Variants in PAWR observed in about 807,000 individuals in gnomAD.
PAWR encodes the protein PRKC apoptosis WT1 regulator protein.
In PAWR, 23 loss-of-function variants were observed where a neutral mutation model predicts 32.0. The observed-to-expected ratio is 0.72, with a 90% CI of 0.52 to 1.02. The LOEUF (loss-of-function observed/expected upper bound fraction) is 1.02. Ranked by LOEUF, PAWR falls within the 50% of genes least tolerant of loss-of-function variation. The probability of loss-of-function intolerance (pLI) is 0.00; values close to 1 mark genes in which losing one functional copy is unlikely to be tolerated. For missense variants in PAWR, 457 were observed against 437.7 expected (o/e 1.04, Z -0.39); for synonymous variants, 226 against 187.1 (o/e 1.21, Z -1.70).
chr12:79,620,882 G>A (rs919986936), intron 3 of PAWR, among the ~76,000 whole-genome samples, 194 bp downstream of exon 3: 3 of 152,114 alleles, frequency 2.0e-5, no homozygotes, highest in South Asian at 2.1e-4. Context: ...TGCACAAGCC[G>A]GAAAAGGGTG....
chr12:79,594,463 AG>A (rs752081380), intron 5 of PAWR, 30 bp from the exon 6 acceptor site: 1 of 1,037,538 alleles, frequency 9.6e-7, no homozygotes, highest in South Asian at 1.4e-5. Flanking sequence ...ACCAGTAATT[AG>A]GAAGTAATTG....
intron 2 of PAWR, among the ~76,000 whole-genome samples, chr12:79,662,915 T>C (rs1043864380): frequency 5.9e-5 from 9 of 152,156 alleles, no homozygotes; most frequent in African/African-American, 2.2e-4. Flanking sequence ...ATGTTGTCAT[T>C]AAAAACAAAA....
chr12:79,688,294 A>AGAT (rs1878783809), intron 2 of PAWR: 1 of 152,110 alleles, frequency 6.6e-6, no homozygotes, highest in African/African-American at 2.4e-5. Context: ...GAAGTTTAAC[A>AGAT]TCTGCCAAGA....
chr12:79,679,919 T>C (rs568406172), intron 2 of PAWR, among the ~76,000 whole-genome samples: 3 of 152,238 alleles, frequency 2.0e-5, no homozygotes, highest in South Asian at 2.1e-4. Flanking sequence ...TATACTCTTA[T>C]ATGAGTACTC....
intron 4 of PAWR, among the ~76,000 whole-genome samples, chr12:79,613,258 G>A (rs1566002156): frequency 6.6e-6 from 1 of 152,092 alleles, no homozygotes; most frequent in Non-Finnish European, 1.5e-5. Context: ...ATGGCACTCT[G>A]AGCTAACTAA....
At chr12:79,607,309 A>G (rs1298703725) in intron 4 of PAWR, among the ~76,000 whole-genome samples, 1 of 152,118 alleles carries the variant, frequency 6.6e-6, no homozygotes, top group Admixed American at 6.5e-5. Flanking sequence ...GAAAGAAAGA[A>G]TAGATCTTGA....
intron 4 of PAWR, among the ~76,000 whole-genome samples, chr12:79,599,137 CAAACTGGTTTCTT>C (rs1873870438): frequency 6.6e-6 from 1 of 152,180 alleles, no homozygotes; most frequent in Admixed American, 6.5e-5. Flanking sequence ...AGCTGGGGAC[CAAACTGGTTTCTT>C]GTCTTGCAAA....
At chr12:79,672,020 A>T (rs1877927088) in intron 2 of PAWR, among the ~76,000 whole-genome samples, 1 of 152,150 alleles carries the variant, frequency 6.6e-6, no homozygotes, top group South Asian at 2.1e-4. Flanking sequence ...CTAAAGGAAA[A>T]CCTAATTATC....
chr12:79,680,667 C>T (rs1878396237), intron 2 of PAWR, among the ~76,000 whole-genome samples: 1 of 152,118 alleles, frequency 6.6e-6, no homozygotes, highest in Admixed American at 6.5e-5. Flanking sequence ...ATTACTCCAG[C>T]TCCAACCACC....
chr12:79,633,377 C>T (rs138604170), intron 2 of PAWR, among the ~76,000 whole-genome samples: 2 of 151,902 alleles, frequency 1.3e-5, no homozygotes, highest in South Asian at 2.1e-4. Context: ...AATAAACACA[C>T]GAAAAGACAC....
chr12:79,668,582 A>G (rs965881375), intron 2 of PAWR, among the ~76,000 whole-genome samples: 4 of 152,204 alleles, frequency 2.6e-5, no homozygotes, highest in African/African-American at 7.2e-5. Context: ...ATCATCAGAC[A>G]TTGGTTAGAT....
rs549216732 is a variant in PAWR at position 79,660,314 on chromosome 12, A to G, written c.516+29415T>C. On this transcript the variant is annotated intron_variant, in intron 2 of 6. Transcript: ENST00000328827. ...GACAGGAATCTCCTCCTTCCCCAAT[A>G]AACTGAAAATGTTATGAGACAGAGA... Among the ~76,000 whole-genome samples the G allele has an allele frequency of 2.6e-5, 4 of 152,272 alleles. No individual in the cohort carries two copies. In the South Asian group the frequency reaches 8.3e-4, roughly 32 times the overall value.
intron 2 of PAWR, among the ~76,000 whole-genome samples, chr12:79,645,369 A>G (rs1876526412): frequency 6.6e-6 from 1 of 152,204 alleles, no homozygotes; most frequent in Non-Finnish European, 1.5e-5. Context: ...TGTGATGAAC[A>G]GAGGAAGTTT....
At chr12:79,640,394 T>C (rs780837807) in intron 2 of PAWR, among the ~76,000 whole-genome samples, 1 of 152,144 alleles carries the variant, frequency 6.6e-6, no homozygotes, top group Non-Finnish European at 1.5e-5. Context: ...ACAACCCAAG[T>C]AGGCAATTCA....
rs1160354301 is a variant in PAWR at position 79,591,656 on chromosome 12, T to A, written c.*951A>T. 6.6e-6 allele frequency: 1 copy of A among 152,170 alleles called. No homozygotes were observed. Among genetic ancestry groups the A allele is most frequent in the East Asian group, 1.9e-4 (1 of 5,204 alleles). 9.4% of individuals were successfully genotyped at this position (152,170 alleles called of 1,614,324 possible). Reference sequence around the variant, plus strand: ...ATGAAAAAACTGTGTCCCAGTGTTATTCTTCAACTTAGAAATTAGGCAAAG... The same window carrying A: ...ATGAAAAAACTGTGTCCCAGTGTTAATCTTCAACTTAGAAATTAGGCAAAG... On this transcript the variant is annotated 3_prime_UTR_variant, in exon 7 of 7. Transcript: ENST00000328827.
chr12:79,663,272 G>C (rs1242781183), intron 2 of PAWR, among the ~76,000 whole-genome samples: 1 of 152,086 alleles, frequency 6.6e-6, no homozygotes, highest in Non-Finnish European at 1.5e-5. Flanking sequence ...CTCCTATCTT[G>C]TCTATGGTTT....
At chr12:79,615,085 G>A (rs559102269) in intron 3 of PAWR, among the ~76,000 whole-genome samples, 38 of 152,180 alleles carry the variant, frequency 2.5e-4, no homozygotes, top group African/African-American at 8.7e-4. Flanking sequence ...AAACTAACTG[G>A]GATATGGAAA....
chr12:79,594,889 A>G (rs191606944), intron 5 of PAWR, among the ~76,000 whole-genome samples: 1 of 152,034 alleles, frequency 6.6e-6, no homozygotes, highest in African/African-American at 2.4e-5. Flanking sequence ...GGTAATTTTC[A>G]TATTTTTAGT....
At chr12:79,663,642 C>A (rs999797140) in intron 2 of PAWR, among the ~76,000 whole-genome samples, 2 of 152,066 alleles carry the variant, frequency 1.3e-5, no homozygotes, top group Admixed American at 1.3e-4. Context: ...CACCTGTAGT[C>A]CCAGCTACTT....
Sources: gnomAD v4.1 joint callset for allele counts (sites outside exome capture counted in the v4.1 genomes callset) on GRCh38, gnomAD v4.1.1 for gene constraint, MANE v1.5 for transcripts, NCBI Gene and HGNC (gene_info 2026-07-23, HGNC 2026-07-21) for gene names.